Variants in FHL1 observed in about 807,000 individuals in gnomAD.
The protein encoded by FHL1 is four and a half LIM domains 1.
A neutral mutation model predicts 20.3 loss-of-function variants in FHL1; 1 was observed. That is an observed-to-expected ratio of 0.05 (90% CI 0.02 to 0.23). FHL1 has a LOEUF of 0.23. Ranked by LOEUF, FHL1 falls within the 10% of genes least tolerant of loss-of-function variation. FHL1 has a pLI of 1.00. For synonymous variants in FHL1, 82 were observed against 88.9 expected (o/e 0.92, Z 0.44); for missense variants, 177 against 234.0 (o/e 0.76, Z 1.59).
intron 2 of FHL1, among the ~76,000 whole-genome samples, chrX:136,191,509 G>A (rs1322122782): frequency 1.8e-5 from 2 of 112,022 alleles, no homozygotes; most frequent in Non-Finnish European, 3.8e-5. Flanking sequence ...CGTGCACCAT[G>A]TTAGGTTCAG....
upstream of FHL1, among the ~76,000 whole-genome samples, chrX:136,194,521 A>C (rs1312777882): frequency 1.8e-5 from 2 of 111,534 alleles, no homozygotes; most frequent in Non-Finnish European, 3.8e-5. Context: ...AAGCGTCCGG[A>C]TACTGCTAGA....
At chrX:136,171,048 A>G (rs1312639577) in intron 2 of FHL1, among the ~76,000 whole-genome samples, 1 of 111,929 alleles carries the variant, frequency 8.9e-6, no homozygotes, top group Non-Finnish European at 1.9e-5. Context: ...AAACTTTTAG[A>G]AATGCTAAAC....
chrX:136,188,232 G>A (rs1418952756), intron 2 of FHL1, among the ~76,000 whole-genome samples: 1 of 111,947 alleles, frequency 8.9e-6, no homozygotes, highest in Non-Finnish European at 1.9e-5. Context: ...AAAATTTTGG[G>A]TAAAATAACT....
upstream of FHL1, among the ~76,000 whole-genome samples, chrX:136,194,164 C>T (rs2073499227): frequency 8.9e-6 from 1 of 112,118 alleles, no homozygotes; most frequent in Admixed American, 9.5e-5. Flanking sequence ...TGATAAATGT[C>T]AGTAACACTT....
intron 2 of FHL1, among the ~76,000 whole-genome samples, chrX:136,172,052 C>T (rs2072884697): frequency 9.0e-6 from 1 of 110,500 alleles, no homozygotes; most frequent in Non-Finnish European, 1.9e-5. Flanking sequence ...CATCAACATG[C>T]CTGGCTAATT....
intron 1 of FHL1, among the ~76,000 whole-genome samples, chrX:136,202,775 A>G (rs2073747851): frequency 8.9e-6 from 1 of 112,053 alleles, no homozygotes; most frequent in Non-Finnish European, 1.9e-5. Context: ...GAAAGAAAGA[A>G]AGAGCAAGCT....
At chrX:136,181,923 T>C (rs977709055) in intron 2 of FHL1, among the ~76,000 whole-genome samples, 2 of 112,029 alleles carry the variant, frequency 1.8e-5, no homozygotes, top group Non-Finnish European at 3.8e-5. Context: ...ATTTCACCAG[T>C]TAACTTCATA....
chrX:136,201,925 G>A (rs912925019), intron 1 of FHL1, among the ~76,000 whole-genome samples: 5 of 112,422 alleles, frequency 4.4e-5, no homozygotes, highest in Non-Finnish European at 9.4e-5. Context: ...AATAGGTCAA[G>A]GCAGACATAT....
In FHL1 at chrX:136,207,715, C is replaced by T. The variant is rs1175930689; in HGVS notation, c.380-77C>T. The T allele has an allele frequency of 3.6e-6, 4 of 1,102,507 alleles. No homozygotes were observed. The East Asian group carries it at 9.1e-5, about 25-fold the overall frequency. 90.9% of individuals were successfully genotyped at this position (1,102,507 alleles called of 1,213,427 possible). On this transcript the variant is annotated intron_variant, in intron 3 of 5. Coordinates refer to ENST00000370683, the MANE Select transcript of FHL1 (RefSeq NM_001159699.2). ...CCTGCATCCCCTCACCTCTGGAGGG[C>T]CTGGGGAGGGGAGCTGAGTGGATGC...
chrX:136,163,647 T>A (rs1427786128), intron 1 of FHL1, among the ~76,000 whole-genome samples: 1 of 111,868 alleles, frequency 8.9e-6, no homozygotes, highest in Non-Finnish European at 1.9e-5. Flanking sequence ...AATGTTAGAA[T>A]GTCTTTGGTT....
intron 1 of FHL1, among the ~76,000 whole-genome samples, chrX:136,198,628 G>T (rs1201375869): frequency 8.9e-6 from 1 of 111,866 alleles, no homozygotes; most frequent in Non-Finnish European, 1.9e-5. Flanking sequence ...GCCCTGAAAC[G>T]GGCTCAGTAT....
At chrX:136,165,117 A>G (rs1430863525), upstream of FHL1, among the ~76,000 whole-genome samples, 3 of 112,099 alleles carry the variant, frequency 2.7e-5, no homozygotes, top group East Asian at 8.4e-4. Context: ...TACTAAATAT[A>G]AGGACACAAA....
intron 3 of FHL1, 50 bp from the exon 4 acceptor site, chrX:136,207,742 G>T (rs1382621064): frequency 1.7e-6 from 2 of 1,194,603 alleles, no homozygotes; most frequent in Non-Finnish European, 2.3e-6. Flanking sequence ...AGTGGATGCA[G>T]CCCCCTGCAG....
At chrX:136,193,942 T>C (rs1208685818), upstream of FHL1, among the ~76,000 whole-genome samples, 1 of 110,037 alleles carries the variant, frequency 9.1e-6, no homozygotes, top group Non-Finnish European at 1.9e-5. Context: ...CTTGTGCTTC[T>C]GTCACACCCC....
intron 1 of FHL1, among the ~76,000 whole-genome samples, chrX:136,198,785 T>C (rs780046755): frequency 2.7e-5 from 3 of 112,040 alleles, no homozygotes; most frequent in Non-Finnish European, 5.6e-5. Context: ...TCAATTTCTT[T>C]AGCCTTTGGC....
chrX:136,199,488 C>G (rs1026334041), intron 1 of FHL1, among the ~76,000 whole-genome samples: 2 of 112,636 alleles, frequency 1.8e-5, no homozygotes, highest in African/African-American at 6.5e-5. Flanking sequence ...AGCTCCGTCT[C>G]ATTGCAGCTA....
At chrX:136,184,001 GA>G (rs2073227516) in intron 2 of FHL1, among the ~76,000 whole-genome samples, 1 of 111,974 alleles carries the variant, frequency 8.9e-6, no homozygotes, top group Non-Finnish European at 1.9e-5. Flanking sequence ...AAATTATATA[GA>G]AAGTATTTGT....
chrX:136,178,346 T>C (rs998361944), intron 2 of FHL1, among the ~76,000 whole-genome samples: 3 of 111,959 alleles, frequency 2.7e-5, no homozygotes, highest in African/African-American at 9.7e-5. Flanking sequence ...AGTAGCCTCA[T>C]TGTCTTGTCT....
chrX:136,209,477 C>T, intron 5 of FHL1: 2 of 1,178,240 alleles, frequency 1.7e-6, no homozygotes, highest in Non-Finnish European at 1.2e-6. Flanking sequence ...CCAAGTTTGC[C>T]TCCTGGTGGC....
Sources: allele counts gnomAD v4.1 joint callset (sites outside exome capture counted in the v4.1 genomes callset), GRCh38; gene constraint gnomAD v4.1.1; transcripts MANE v1.5; gene names NCBI Gene and HGNC (gene_info 2026-07-23, HGNC 2026-07-21).